GRIN2D: variants seen among roughly 807,000 people sequenced by gnomAD.
The protein encoded by GRIN2D is glutamate receptor ionotropic, NMDA 2D.
Under a neutral mutation model 103.2 loss-of-function variants are expected in GRIN2D, and 37 were observed. The ratio of observed to expected loss-of-function variants is 0.36; its 90% CI spans 0.28 to 0.47. The LOEUF is 0.47. Among genes scored for constraint, GRIN2D ranks in the 20% least tolerant of loss-of-function variants. GRIN2D has a pLI of 1.00. For synonymous variants in GRIN2D, 845 were observed against 885.6 expected (o/e 0.95, Z 0.81); for missense variants, 1,557 against 1,910.6 (o/e 0.81, Z 3.45).
intron 11 of GRIN2D, among the ~76,000 whole-genome samples, chr19:48,440,801 C>T (rs1323574561): frequency 6.6e-6 from 1 of 152,132 alleles, no homozygotes; most frequent in Admixed American, 6.6e-5. Context: ...ATTCTCCTGC[C>T]TCAACCTCCT....
chr19:48,430,931 T>C (rs1183376336), intron 11 of GRIN2D, among the ~76,000 whole-genome samples: 1 of 151,556 alleles, frequency 6.6e-6, no homozygotes, highest in Non-Finnish European at 1.5e-5. Flanking sequence ...GCGATTCTCA[T>C]GCCTCAGCCT....
chr19:48,425,659 G>C (rs955389256), intron 11 of GRIN2D, among the ~76,000 whole-genome samples: 2 of 152,104 alleles, frequency 1.3e-5, no homozygotes, highest in African/African-American at 4.8e-5. Flanking sequence ...TCCCCGCCTT[G>C]AGTTCAGAGA....
At chr19:48,412,421 AAAAGAAAGAAAGAAAGAAAGAAAG>A (rs57100057) in intron 4 of GRIN2D, among the ~76,000 whole-genome samples, 46 of 123,434 alleles carry the variant, frequency 3.7e-4, no homozygotes, top group South Asian at 1.5e-3. Context: ...AAAGAGAAAG[AAAAGAAAGAAAGAAAGAAAGAAAG>A]AAAGAAAGAA....
intron 4 of GRIN2D, among the ~76,000 whole-genome samples, chr19:48,411,621 C>G (rs1970861485): frequency 6.6e-6 from 1 of 151,534 alleles, no homozygotes; most frequent in African/African-American, 2.4e-5. Flanking sequence ...TGCACTCCAG[C>G]CTAGGTGACA....
chr19:48,403,892 C>T (rs538559802), intron 3 of GRIN2D, among the ~76,000 whole-genome samples: 76 of 152,280 alleles, frequency 5.0e-4, no homozygotes, highest in Middle Eastern at 3.4e-3. Flanking sequence ...GCTGCTGGAA[C>T]GGATGAACCC....
rs188825068 is a variant in GRIN2D at position 48,436,010 on chromosome 19, C to T, written c.2253-5759C>T. Among the ~76,000 whole-genome samples the T allele has an allele frequency of 6.7e-4, 102 of 152,282 alleles. No individual in the cohort carries two copies. In the East Asian group the frequency reaches 0.019, roughly 29 times the overall value. Reference sequence around the variant, plus strand: ...AGGTTGCAGTATCAAATAGGGTGCTCAGGAAGGTGTCTTTGGAGCAAACAC... The same window carrying T: ...AGGTTGCAGTATCAAATAGGGTGCTTAGGAAGGTGTCTTTGGAGCAAACAC... On this transcript the variant is annotated intron_variant, in intron 11 of 13. Coordinates refer to ENST00000263269, the MANE Select transcript of GRIN2D (RefSeq NM_000836.4).
At chr19:48,419,142 G>A (rs1198697356) in intron 8 of GRIN2D, 92 bp from the exon 9 acceptor site, 5 of 1,241,694 alleles carry the variant, frequency 4.0e-6, no homozygotes, top group Non-Finnish European at 5.5e-6. Flanking sequence ...GCCTCCCAAA[G>A]TTCTGGGAGT....
At chr19:48,432,628 G>C (rs889326239) in intron 11 of GRIN2D, among the ~76,000 whole-genome samples, 2 of 151,574 alleles carry the variant, frequency 1.3e-5, no homozygotes, top group Non-Finnish European at 2.9e-5. Context: ...ACAGGTGTGT[G>C]CCACTTTCGT....
intron 8 of GRIN2D, among the ~76,000 whole-genome samples, chr19:48,416,635 C>T (rs1464300185): frequency 6.6e-6 from 1 of 152,156 alleles, no homozygotes; most frequent in African/African-American, 2.4e-5. Context: ...TGGTGGGCTC[C>T]ACACTGGGAA....
chr19:48,404,492 C>CA (rs896882947), intron 3 of GRIN2D, among the ~76,000 whole-genome samples: 6 of 151,402 alleles, frequency 4.0e-5, no homozygotes, highest in East Asian at 3.9e-4. Flanking sequence ...GATTCTGTCT[C>CA]AAAAAAACAA....
chr19:48,413,910 C>A, intron 4 of GRIN2D, 81 bp from the exon 5 acceptor site: 1 of 805,336 alleles, frequency 1.2e-6, no homozygotes, highest in Non-Finnish European at 2.2e-6. Flanking sequence ...GGCTGGTCTG[C>A]AGAAAGGGGA....
intron 3 of GRIN2D, among the ~76,000 whole-genome samples, chr19:48,403,858 G>A (rs1970748078): frequency 6.6e-6 from 1 of 152,216 alleles, no homozygotes; most frequent in South Asian, 2.1e-4. Flanking sequence ...CCGGATGCTG[G>A]TTGTATTAAT....
chr19:48,431,700 T>C (rs1451289088), intron 11 of GRIN2D, among the ~76,000 whole-genome samples: 2 of 151,718 alleles, frequency 1.3e-5, no homozygotes, highest in African/African-American at 2.4e-5. Context: ...TTCTCCTGTC[T>C]CAGCCTCCCA....
intron 4 of GRIN2D, among the ~76,000 whole-genome samples, chr19:48,408,126 A>C (rs544945752): frequency 5.9e-5 from 9 of 151,858 alleles, no homozygotes; most frequent in African/African-American, 2.2e-4. Context: ...CAAGGTCAGG[A>C]GATCGAGACC....
rs780682575 is a variant in GRIN2D at position 48,419,754 on chromosome 19, G to A, written c.2031G>A (p.Leu677=). The part of the protein sequence containing the change: ...VIFLASYTAN[L]AAFMIQEEYV... ...TCCTCGCCAGCTACACAGCCAACCT[G>A]GCCGCCTTCATGATCCAGGAGGAGT... Residue 677 remains leucine, a synonymous_variant, in exon 10 of 14, where the codon CTG becomes CTA. Coordinates refer to ENST00000263269, the MANE Select transcript of GRIN2D (RefSeq NM_000836.4). 1.7e-5 allele frequency: 28 copies of A among 1,613,660 alleles called. No homozygotes were observed. Among genetic ancestry groups the A allele is most frequent in the Middle Eastern group, 1.6e-4 (1 of 6,084 alleles).
chr19:48,424,842 A>G (rs1445846930), intron 11 of GRIN2D, among the ~76,000 whole-genome samples: 1 of 152,104 alleles, frequency 6.6e-6, no homozygotes, highest in Non-Finnish European at 1.5e-5. Context: ...CATAATGAAC[A>G]GAAAATATAA....
chr19:48,419,175 G>A, intron 8 of GRIN2D, 59 bp from the exon 9 acceptor site: 1 of 1,555,670 alleles, frequency 6.4e-7, no homozygotes, highest in Non-Finnish European at 8.7e-7. Flanking sequence ...CACCGCCCCA[G>A]CCTGATCCCC....
chr19:48,414,112 C>G lies in GRIN2D; in HGVS notation c.1200+7C>G, dbSNP rs769984066. 1 of 1,516,090 alleles carries G rather than the reference C, an allele frequency of 6.6e-7. No individual in the cohort carries two copies. The highest frequency in any genetic ancestry group is 1.1e-5 in the South Asian group (1 of 88,844). The allele number at this position is 1,516,090 out of a possible 1,614,324, so 93.9% of individuals were successfully genotyped here. ...AGACAGGACGTGGGAGGTGGTGAGTCGTAGCCCCAGACCTCAGGCATGGCA... is the reference window on the plus strand; with the variant it reads ...AGACAGGACGTGGGAGGTGGTGAGTGGTAGCCCCAGACCTCAGGCATGGCA... On this transcript the variant is annotated splice_region_variant and intron_variant, in intron 5 of 13. Coordinates refer to ENST00000263269, the MANE Select transcript of GRIN2D (RefSeq NM_000836.4). This position sits in a 1 kb window ranked among gnomAD's most constrained non-coding sequence, Gnocchi z 4.6.
Position 48,443,864 on chromosome 19 carries a change from G to A in GRIN2D, c.3938G>A (p.Arg1313Gln), listed in dbSNP as rs1260655924. 6 of 1,482,258 alleles carry A rather than the reference G, an allele frequency of 4.0e-6. No homozygotes were observed. In the South Asian group the frequency reaches 5.1e-5, roughly 13 times the overall value. 91.8% of individuals were successfully genotyped at this position (1,482,258 alleles called of 1,614,324 possible). The change falls in exon 14 of 14, where the codon CGG becomes CAG. Residue 1313 changes from arginine (R) to glutamine (Q), a missense_variant. Transcript: ENST00000263269. The surrounding 1 kb of genome is among the most constrained non-coding windows in gnomAD (Gnocchi z 8.9). Reference protein sequence around the residue: ...WGPPLPTASHRRHRGGDLGTR... With the variant: ...WGPPLPTASHQRHRGGDLGTR... Reference sequence around the variant, plus strand: ...CCGCCGCTGCCCACAGCTTCCCACCGGAGACACCGGGGCGGGGACCTGGGC... The same window carrying A: ...CCGCCGCTGCCCACAGCTTCCCACCAGAGACACCGGGGCGGGGACCTGGGC...
Sources: gnomAD v4.1 joint callset for allele counts (sites outside exome capture counted in the v4.1 genomes callset) on GRCh38, gnomAD v4.1.1 for gene constraint, Gnocchi (gnomAD v3.1) non-coding constraint, MANE v1.5 for transcripts, NCBI Gene and HGNC (gene_info 2026-07-23, HGNC 2026-07-21) for gene names.